The following LARGE1 variants were observed in gnomAD, a reference collection of about 807,000 sequenced individuals.
LARGE1 encodes LARGE xylosyl- and glucuronyltransferase 1.
LARGE1 carries 43 observed loss-of-function variants against 87.6 expected under a neutral mutation model. The ratio of observed to expected loss-of-function variants is 0.49; its 90% CI spans 0.38 to 0.63. LARGE1 has a LOEUF of 0.63. Ranked by LOEUF, LARGE1 falls within the 30% of genes least tolerant of loss-of-function variation. The pLI, the probability that LARGE1 is intolerant of heterozygous loss-of-function variation, is 0.00. For synonymous variants in LARGE1, 434 were observed against 394.6 expected (o/e 1.10, Z -1.18); for missense variants, 802 against 1,000.2 (o/e 0.80, Z 2.67).
At chr22:33,740,790 C>T (rs974101367) in intron 2 of LARGE1, among the ~76,000 whole-genome samples, 3 of 152,170 alleles carry the variant, frequency 2.0e-5, no homozygotes, top group South Asian at 4.1e-4. Flanking sequence ...CTCAAAGGTG[C>T]GCCATTAAAT....
At chr22:33,130,080 C>T in the LARGE1 span, among the ~76,000 whole-genome samples, 1 of 152,002 alleles carries the variant, frequency 6.6e-6, no homozygotes, top group African/African-American at 2.4e-5. Flanking sequence ...TTTGGGAGGC[C>T]AAGGCGGGCG....
chr22:33,405,665 C>T (rs750150141), intron 7 of LARGE1, among the ~76,000 whole-genome samples: 35 of 152,042 alleles, frequency 2.3e-4, no homozygotes, highest in African/African-American at 6.3e-4. Context: ...ACTTTGCTGC[C>T]GACAAATAGT....
At position 33,294,781 on chromosome 22, in the gene LARGE1, G is replaced by A. The variant is rs80049102; in HGVS notation, c.1730+9448C>T. Among the ~76,000 whole-genome samples, 605 of 152,304 alleles carry A rather than the reference G, an allele frequency of 4.0e-3. 4 individuals are homozygous for A. Among genetic ancestry groups the A allele is most frequent in the Non-Finnish European group, 4.5e-3 (306 of 68,022 alleles). ...TGGTTACGTTTCCAGGTCCTGCACA[G>A]TGCCAGGCAAACGGTAGGCACTCAG... is the stretch of plus-strand genomic sequence containing the variant. On this transcript the variant is annotated intron_variant, in intron 12 of 14. Coordinates refer to ENST00000397394, the MANE Select transcript of LARGE1 (RefSeq NM_133642.5).
chr22:33,539,911 C>A (rs8136529), intron 6 of LARGE1, among the ~76,000 whole-genome samples: 31,994 of 151,928 alleles, frequency 0.21, 4,007 homozygotes, highest in Admixed American at 0.32. Context: ...AGTAATAAGA[C>A]AAAATATGGG....
At chr22:33,218,992 G>A (rs756751934) in intron 11 of LARGE1, among the ~76,000 whole-genome samples, 3 of 152,086 alleles carry the variant, frequency 2.0e-5, no homozygotes, top group Admixed American at 6.6e-5. Flanking sequence ...CCCCACTTCC[G>A]CCTTTATCTG....
Position 33,774,917 on chromosome 22 carries a change from C to T in LARGE1, c.-82-13359G>A, listed in dbSNP as rs528396586. Among the ~76,000 whole-genome samples, 56 of 152,230 alleles carry T rather than the reference C, an allele frequency of 3.7e-4. No individual in the cohort carries two copies. In the South Asian group the frequency reaches 0.011, roughly 30 times the overall value. On this transcript the variant is annotated intron_variant, in intron 1 of 14. Coordinates refer to ENST00000397394, the MANE Select transcript of LARGE1 (RefSeq NM_133642.5). ...GTATTTTCTAAACCTTTACATCAGA[C>T]TGAGAATGGAGTTGAGGCAGACAGC... is the stretch of plus-strand genomic sequence containing the variant.
chr22:33,391,765 CTTTTTTTT>C (rs1034572374), intron 7 of LARGE1, among the ~76,000 whole-genome samples: 1 of 63,856 alleles, frequency 1.6e-5, no homozygotes, highest in Non-Finnish European at 2.8e-5. Flanking sequence ...TTCCTTTTTC[CTTTTTTTT>C]TTTTTTTTTT....
chr22:33,882,281 C>T (rs770620863), intron 1 of LARGE1, among the ~76,000 whole-genome samples: 7 of 152,142 alleles, frequency 4.6e-5, no homozygotes, highest in African/African-American at 9.7e-5. Flanking sequence ...CCGCTCGCCT[C>T]GGCCTCCCCA....
At chr22:33,793,868 T>C (rs939354454) in intron 1 of LARGE1, among the ~76,000 whole-genome samples, 3 of 152,142 alleles carry the variant, frequency 2.0e-5, no homozygotes, top group Non-Finnish European at 4.4e-5. Context: ...TGAGAATCTC[T>C]TGCTTTCATG....
At chr22:33,642,001 G>A (rs2080449715) in intron 3 of LARGE1, among the ~76,000 whole-genome samples, 1 of 152,068 alleles carries the variant, frequency 6.6e-6, no homozygotes. Context: ...AGCAAGACAG[G>A]CTAACATTCA....
chr22:33,544,144 G>A (rs1338087175), intron 6 of LARGE1, among the ~76,000 whole-genome samples: 1 of 152,168 alleles, frequency 6.6e-6, no homozygotes, highest in Non-Finnish European at 1.5e-5. Context: ...CTCCACTGGG[G>A]GAGGACTCTT....
At chr22:33,434,507 G>A (rs1487847287) in intron 6 of LARGE1, among the ~76,000 whole-genome samples, 1 of 152,106 alleles carries the variant, frequency 6.6e-6, no homozygotes, top group African/African-American at 2.4e-5. Context: ...CACCGTGTTG[G>A]CCAGGATGGT....
At chr22:33,784,293 C>T (rs979896398) in intron 1 of LARGE1, among the ~76,000 whole-genome samples, 2 of 152,160 alleles carry the variant, frequency 1.3e-5, no homozygotes, top group African/African-American at 2.4e-5. Flanking sequence ...CGTTGTCTTA[C>T]TAAAATCCAA....
intron 11 of LARGE1, among the ~76,000 whole-genome samples, chr22:33,249,937 C>A (rs1926938764): frequency 6.6e-6 from 1 of 152,208 alleles, no homozygotes; most frequent in African/African-American, 2.4e-5. Flanking sequence ...ATTACTATCA[C>A]TTTATACTAA....
intron 6 of LARGE1, among the ~76,000 whole-genome samples, chr22:33,473,436 G>T (rs928769275): frequency 6.6e-6 from 1 of 152,026 alleles, no homozygotes; most frequent in Non-Finnish European, 1.5e-5. Flanking sequence ...TGCAACTTCT[G>T]CCTCCCGGGT....
chr22:33,889,217 GAA>G (rs781104236), intron 1 of LARGE1: 1 of 152,132 alleles, frequency 6.6e-6, no homozygotes, highest in Non-Finnish European at 1.5e-5. Context: ...AACAGAAATG[GAA>G]AAGATTCTTA....
At chr22:33,426,140 C>A (rs1030601533) in intron 7 of LARGE1, among the ~76,000 whole-genome samples, 14 of 152,180 alleles carry the variant, frequency 9.2e-5, no homozygotes, top group African/African-American at 3.1e-4. Flanking sequence ...TACTGCAGGG[C>A]TGATGATCAA....
intron 5 of LARGE1, among the ~76,000 whole-genome samples, chr22:33,568,720 C>T (rs984486683): frequency 1.5e-5 from 2 of 133,644 alleles, no homozygotes; most frequent in Non-Finnish European, 3.1e-5. Context: ...GAGCAGAGAT[C>T]GCACCATTGC....
intron 1 of LARGE1, among the ~76,000 whole-genome samples, chr22:33,794,800 A>G (rs1166669399): frequency 6.6e-6 from 1 of 152,058 alleles, no homozygotes; most frequent in East Asian, 1.9e-4. Context: ...TTATATTTTT[A>G]GTAGAAATAG....
Sources: gnomAD v4.1 joint callset for allele counts (sites outside exome capture counted in the v4.1 genomes callset) on GRCh38, gnomAD v4.1.1 for gene constraint, MANE v1.5 for transcripts, NCBI Gene and HGNC (gene_info 2026-07-23, HGNC 2026-07-21) for gene names.